Variants in STAMBPL1 observed in about 807,000 individuals in gnomAD.
STAMBPL1 encodes STAM binding protein like 1, also known as AMSH-like protease.
STAMBPL1 carries 44 observed loss-of-function variants against 52.9 expected under a neutral mutation model. The observed-to-expected ratio is 0.83, with a 90% confidence interval of 0.65 to 1.07. The LOEUF (loss-of-function observed/expected upper bound fraction) is 1.07. STAMBPL1 is among the 50% of genes least tolerant of loss of function. STAMBPL1 has a pLI of 0.00. For missense variants in STAMBPL1, 511 were observed against 520.8 expected (o/e 0.98, Z 0.18); for synonymous variants, 164 against 177.3 (o/e 0.92, Z 0.60).
intron 8 of STAMBPL1, among the ~76,000 whole-genome samples, chr10:88,919,363 C>T (rs925642832): frequency 3.3e-5 from 5 of 152,138 alleles, no homozygotes; most frequent in African/African-American, 1.2e-4. Context: ...TCATCATCAT[C>T]ATCATTTTCA....
chr10:88,898,458 A>G (rs1844864921), intron 1 of STAMBPL1, among the ~76,000 whole-genome samples: 1 of 152,210 alleles, frequency 6.6e-6, no homozygotes, highest in Admixed American at 6.5e-5. Flanking sequence ...AATTGTTTAT[A>G]ATGCAACTGT....
At chr10:88,915,115 G>A (rs1269178293) in intron 7 of STAMBPL1, among the ~76,000 whole-genome samples, 2 of 152,088 alleles carry the variant, frequency 1.3e-5, no homozygotes, top group African/African-American at 4.8e-5. Flanking sequence ...GTTTAAGGCA[G>A]TAGTTTCAAC....
chr10:88,886,177 A>G (rs1042286800), intron 1 of STAMBPL1, among the ~76,000 whole-genome samples: 3 of 152,258 alleles, frequency 2.0e-5, no homozygotes, highest in African/African-American at 7.2e-5. Flanking sequence ...CCAAAACGTC[A>G]AGGAAAACTA....
At chr10:88,903,347 C>T (rs1008986172) in intron 2 of STAMBPL1, among the ~76,000 whole-genome samples, 6 of 152,144 alleles carry the variant, frequency 3.9e-5, no homozygotes, top group Non-Finnish European at 7.4e-5. Flanking sequence ...CTCTCACTTC[C>T]GTCTGTCTTT....
chr10:88,903,265 A>G (rs1844991545), intron 2 of STAMBPL1, among the ~76,000 whole-genome samples: 1 of 152,170 alleles, frequency 6.6e-6, no homozygotes, highest in South Asian at 2.1e-4. Flanking sequence ...AGGTCCATTC[A>G]GAAGAGGAAA....
At position 88,922,530 on chromosome 10, in the gene STAMBPL1, T is replaced by TA. The variant is rs1420065616; in HGVS notation, c.1254+98dup. The TA allele has an allele frequency of 1.7e-5, 19 of 1,122,060 alleles. No homozygotes were observed. In the East Asian group the frequency reaches 4.6e-4, roughly 27 times the overall value. 69.5% of individuals were successfully genotyped at this position (1,122,060 alleles called of 1,614,324 possible). On this transcript the variant is annotated intron_variant, in intron 10 of 10. Coordinates refer to ENST00000371926, the MANE Select transcript of STAMBPL1 (RefSeq NM_020799.4). Reference sequence around the variant, plus strand: ...TAAATAGTAGCAGTCTAATATAAGATAAAATACTGTACTGCTTAGTTTGGA... The same window carrying TA: ...TAAATAGTAGCAGTCTAATATAAGATAAAAATACTGTACTGCTTAGTTTGGA...
At chr10:88,893,453 T>C (rs745854526) in intron 1 of STAMBPL1, among the ~76,000 whole-genome samples, 6 of 152,036 alleles carry the variant, frequency 3.9e-5, no homozygotes, top group Non-Finnish European at 5.9e-5. Flanking sequence ...ATGAAAAAAG[T>C]GAAGGGAGCT....
At chr10:88,895,303 C>A (rs924133636) in intron 1 of STAMBPL1, among the ~76,000 whole-genome samples, 1 of 152,144 alleles carries the variant, frequency 6.6e-6, no homozygotes, top group Non-Finnish European at 1.5e-5. Context: ...TCTCATTGTC[C>A]AATATTTGGT....
At chr10:88,884,296 T>C (rs1294506816) in intron 1 of STAMBPL1, among the ~76,000 whole-genome samples, 1 of 152,228 alleles carries the variant, frequency 6.6e-6, no homozygotes, top group Non-Finnish European at 1.5e-5. Context: ...AAGTAGGCTC[T>C]TAAGCACTTG....
chr10:88,907,714 A>G (rs943256859), intron 3 of STAMBPL1, among the ~76,000 whole-genome samples: 4 of 152,232 alleles, frequency 2.6e-5, no homozygotes, highest in Non-Finnish European at 4.4e-5. Flanking sequence ...CCTCTGCTCT[A>G]AATGTCTTTG....
At chr10:88,923,083 T>A (rs1845554474) in intron 10 of STAMBPL1, 85 bp from the exon 11 acceptor site, 1 of 908,634 alleles carries the variant, frequency 1.1e-6, no homozygotes, top group Non-Finnish European at 1.7e-6. Context: ...AATTAGGAAA[T>A]CTATACTTCC....
At chr10:88,905,343 G>A (rs1008603334) in intron 2 of STAMBPL1, 100 bp from the exon 3 acceptor site, 2 of 897,592 alleles carry the variant, frequency 2.2e-6, no homozygotes, top group East Asian at 2.5e-5. Context: ...TTAGGTAATG[G>A]TGTTAGGTTC....
chr10:88,916,805 A>G lies in STAMBPL1; in HGVS notation c.1029A>G (p.Leu343=), dbSNP rs1845383149. The G allele has an allele frequency of 6.3e-7, 1 of 1,595,180 alleles. No homozygotes were observed. Among genetic ancestry groups the G allele is most frequent in the Admixed American group, 1.7e-5 (1 of 57,488 alleles). The change falls in exon 8 of 11, where the codon CTA becomes CTG. Residue 343 remains leucine, a synonymous_variant. Transcript: ENST00000371926. Reference sequence around the variant, plus strand: ...AGGATCAACATGATCTCCTCACTCTAGGATGGATCCATGTACGTTTGACCT... The same window carrying G: ...AGGATCAACATGATCTCCTCACTCTGGGATGGATCCATGTACGTTTGACCT... ...NVQDQHDLLT[L]GWIHTHPTQT...
At chr10:88,908,154 G>T (rs1845121685) in intron 3 of STAMBPL1, among the ~76,000 whole-genome samples, 1 of 152,154 alleles carries the variant, frequency 6.6e-6, no homozygotes, top group Non-Finnish European at 1.5e-5. Context: ...GCTGTCTCTT[G>T]TTCCTCAAAC....
intron 1 of STAMBPL1, among the ~76,000 whole-genome samples, chr10:88,884,072 A>G (rs947799575): frequency 2.6e-5 from 4 of 152,174 alleles, no homozygotes; most frequent in Non-Finnish European, 5.9e-5. Flanking sequence ...TCTTCCTTTC[A>G]TGTCCTTCTC....
At chr10:88,920,887 C>T (rs1165161048) in intron 8 of STAMBPL1, among the ~76,000 whole-genome samples, 2 of 152,130 alleles carry the variant, frequency 1.3e-5, no homozygotes, top group Non-Finnish European at 2.9e-5. Context: ...TGCTCCTTAC[C>T]AGCCGTGTGA....
Position 88,916,784 on chromosome 10 carries a change from T to C in STAMBPL1, c.1008T>C (p.Asp336=). 2 of 1,609,484 alleles carry C rather than the reference T, an allele frequency of 1.2e-6. No individual in the cohort carries two copies. Among genetic ancestry groups the C allele is most frequent in the Non-Finnish European group, 1.7e-6 (2 of 1,177,952 alleles). ...TAGAGGAATTATTCAATGTTCAGGA[T>C]CAACATGATCTCCTCACTCTAGGAT... ...ENVEELFNVQ[D]QHDLLTLGWI... Residue 336 remains aspartate (D), a synonymous_variant, in exon 8 of 11, where the codon GAT becomes GAC. Transcript: ENST00000371926.
At position 88,913,092 on chromosome 10, in the gene STAMBPL1, A is replaced by C. The variant is rs1342087372; in HGVS notation, c.421-9A>C. The C allele has an allele frequency of 6.4e-7, 1 of 1,563,370 alleles. No individual in the cohort carries two copies. The highest frequency in any genetic ancestry group is 8.6e-7 in the Non-Finnish European group (1 of 1,156,468). On this transcript the variant is annotated splice_polypyrimidine_tract_variant and intron_variant, in intron 5 of 10. Transcript: ENST00000371926. Reference sequence around the variant, plus strand: ...ACTAACCTTCTCTTCTGGCTGCCACACTTTTTAGAACAAATATAAAGCTGA... The same window carrying C: ...ACTAACCTTCTCTTCTGGCTGCCACCCTTTTTAGAACAAATATAAAGCTGA...
intron 1 of STAMBPL1, among the ~76,000 whole-genome samples, chr10:88,888,433 A>G (rs544653302): frequency 6.6e-6 from 1 of 152,334 alleles, no homozygotes; most frequent in East Asian, 1.9e-4. Flanking sequence ...GTTTGTCACC[A>G]TAAAGGCAGA....
Sources: gnomAD v4.1 joint callset for allele counts (sites outside exome capture counted in the v4.1 genomes callset) on GRCh38, gnomAD v4.1.1 for gene constraint, MANE v1.5 for transcripts, NCBI Gene and HGNC (gene_info 2026-07-23, HGNC 2026-07-21) for gene names.